The following PVT1 variants were observed in gnomAD, a reference collection of about 807,000 sequenced individuals.
PVT1 encodes Pvt1 oncogene.
intron 2 of PVT1, among the ~76,000 whole-genome samples, chr8:127,861,259 T>C (rs1388915762): frequency 6.6e-6 from 1 of 152,212 alleles, no homozygotes; most frequent in Non-Finnish European, 1.5e-5. Context: ...GTTGGGCCAC[T>C]TGTTTCTGAT....
At chr8:127,864,033 C>T (rs1815257855) in intron 2 of PVT1, among the ~76,000 whole-genome samples, 1 of 152,188 alleles carries the variant, frequency 6.6e-6, no homozygotes, top group Non-Finnish European at 1.5e-5. Context: ...ACATCCCTGC[C>T]CTAAACCCTG....
intron 4 of PVT1, among the ~76,000 whole-genome samples, chr8:128,069,587 G>C (rs1813957318): frequency 6.6e-6 from 1 of 152,268 alleles, no homozygotes; most frequent in Non-Finnish European, 1.5e-5. Flanking sequence ...TTTTATAGAG[G>C]AGAGAGCTGA....
chr8:128,075,203 G>A (rs567843592), intron 5 of PVT1, among the ~76,000 whole-genome samples: 20 of 152,086 alleles, frequency 1.3e-4, no homozygotes, highest in Non-Finnish European at 2.1e-4. Context: ...TGGATTTCCC[G>A]TGAAACATGG....
intron 4 of PVT1, among the ~76,000 whole-genome samples, chr8:127,995,972 G>A (rs17777550): frequency 0.019 from 2,923 of 151,948 alleles, 41 homozygotes; most frequent in South Asian, 0.035. Context: ...TTGCTAAATC[G>A]GTATAAGTGC....
chr8:127,965,107 G>A (rs1193675523), intron 3 of PVT1, among the ~76,000 whole-genome samples: 2 of 152,122 alleles, frequency 1.3e-5, no homozygotes, highest in African/African-American at 2.4e-5. Flanking sequence ...GGAAAGCCAA[G>A]GTTTAGACCT....
chr8:127,971,071 A>C (rs1300303134), intron 3 of PVT1, among the ~76,000 whole-genome samples: 2 of 152,272 alleles, frequency 1.3e-5, no homozygotes, highest in Non-Finnish European at 2.9e-5. Flanking sequence ...GTGGCCTGCA[A>C]AAAGCCTAAA....
chr8:127,863,602 T>C (rs1815253209), intron 2 of PVT1, among the ~76,000 whole-genome samples: 1 of 152,252 alleles, frequency 6.6e-6, no homozygotes, highest in Non-Finnish European at 1.5e-5. Flanking sequence ...GTTGCACCAA[T>C]TGCAATTTCT....
intron 3 of PVT1, among the ~76,000 whole-genome samples, chr8:127,943,026 G>A (rs1047344526): frequency 6.6e-6 from 1 of 152,172 alleles, no homozygotes; most frequent in Admixed American, 6.5e-5. Context: ...CTTTTGTTCT[G>A]TCTTGAGCCT....
intron 4 of PVT1, among the ~76,000 whole-genome samples, chr8:128,063,245 G>T (rs1314742812): frequency 6.6e-6 from 1 of 152,124 alleles, no homozygotes; most frequent in Admixed American, 6.5e-5. Flanking sequence ...AGGCACAGTG[G>T]CTCAAGCCTA....
intron 2 of PVT1, among the ~76,000 whole-genome samples, chr8:127,798,398 CAGAA>C (rs1814422505): frequency 6.6e-6 from 1 of 151,994 alleles, no homozygotes; most frequent in African/African-American, 2.4e-5. Context: ...TAGGCACAAA[CAGAA>C]AGCTGAACAT....
At chr8:128,012,827 A>G (rs1004197828) in intron 4 of PVT1, among the ~76,000 whole-genome samples, 1 of 151,474 alleles carries the variant, frequency 6.6e-6, no homozygotes, top group Non-Finnish European at 1.5e-5. Context: ...ACTAATATCC[A>G]CCCCACTCCC....
rs569126169 is a variant in PVT1 at position 127,934,397 on chromosome 8, C to A, written n.782+43399C>A. ...GGGTGGGGACTGCTGAGGCATTGGGCCCCTTGAAGCCTTCCCTCTGGGTGT... is the reference window on the plus strand; with the variant it reads ...GGGTGGGGACTGCTGAGGCATTGGGACCCTTGAAGCCTTCCCTCTGGGTGT... On this transcript the variant is annotated intron_variant and non_coding_transcript_variant, in intron 3 of 10. Coordinates refer to ENST00000651587, the Ensembl canonical transcript of PVT1. Among the ~76,000 whole-genome samples, 4 of 152,330 alleles carry A rather than the reference C, an allele frequency of 2.6e-5. No homozygotes were observed. In the East Asian group the frequency reaches 7.7e-4, roughly 29 times the overall value.
intron 2 of PVT1, among the ~76,000 whole-genome samples, chr8:127,878,284 A>C (rs1815428439): frequency 6.6e-6 from 1 of 152,230 alleles, no homozygotes; most frequent in South Asian, 2.1e-4. Context: ...TTGAGCCTAA[A>C]GATGAAGGAG....
intron 2 of PVT1, among the ~76,000 whole-genome samples, chr8:127,877,610 A>G (rs1375683148): frequency 2.0e-5 from 3 of 152,152 alleles, no homozygotes; most frequent in Non-Finnish European, 2.9e-5. Flanking sequence ...ATTTTGACTT[A>G]GTCCTTAAAC....
chr8:128,073,638 T>C (rs1203527193), intron 5 of PVT1, among the ~76,000 whole-genome samples: 1 of 152,004 alleles, frequency 6.6e-6, no homozygotes, highest in African/African-American at 2.4e-5. Context: ...CTAGCCCTCC[T>C]CATGCGCCAA....
chr8:128,030,454 A>G (rs1042485344), intron 4 of PVT1, among the ~76,000 whole-genome samples: 2 of 152,280 alleles, frequency 1.3e-5, no homozygotes, highest in African/African-American at 4.8e-5. Context: ...GCAGGAAAAT[A>G]TTTTAAGGCC....
chr8:127,894,189 G>A (rs1390837447), intron 3 of PVT1, among the ~76,000 whole-genome samples: 4 of 152,192 alleles, frequency 2.6e-5, no homozygotes, highest in African/African-American at 9.6e-5. Context: ...TCCTGGCCAG[G>A]TTCCTGGAGA....
intron 3 of PVT1, among the ~76,000 whole-genome samples, chr8:127,893,207 C>G (rs918413462): frequency 2.0e-5 from 3 of 152,126 alleles, no homozygotes; most frequent in Admixed American, 2.0e-4. Context: ...TCCATTCAAA[C>G]CTCAAAACAG....
intron 2 of PVT1, among the ~76,000 whole-genome samples, chr8:127,878,150 A>G (rs983663211): frequency 6.6e-6 from 1 of 151,916 alleles, no homozygotes; most frequent in Non-Finnish European, 1.5e-5. Flanking sequence ...TCCCTGAGGG[A>G]TTTTGTGGGC....
Sources: gnomAD v4.1 joint callset for allele counts (sites outside exome capture counted in the v4.1 genomes callset) on GRCh38, gnomAD v4.1.1 for gene constraint, MANE v1.5 for transcripts, NCBI Gene and HGNC (gene_info 2026-07-23, HGNC 2026-07-21) for gene names.